Variants in CHST12 observed in about 807,000 individuals in gnomAD.
CHST12 encodes the protein carbohydrate (chondroitin 4) sulfotransferase 12.
In CHST12, 23 loss-of-function variants were observed where a neutral mutation model predicts 27.9. That is an observed-to-expected ratio of 0.82 (90% CI 0.59 to 1.17). The LOEUF is 1.17. Among genes scored for constraint, CHST12 ranks in the 50% most tolerant of loss-of-function variants. The pLI is 0.00. For missense variants in CHST12, 682 were observed against 603.0 expected (o/e 1.13, Z -1.37); for synonymous variants, 322 against 273.0 (o/e 1.18, Z -1.77).
rs1306092014 is a variant in CHST12 at position 2,436,103 on chromosome 7, C to G, written c.*2219C>G. 6.6e-6 allele frequency: 1 copy of G among 152,278 alleles called. No individual in the cohort carries two copies. Among genetic ancestry groups the G allele is most frequent in the South Asian group, 2.1e-4 (1 of 4,836 alleles). 9.4% of individuals were successfully genotyped at this position (152,278 alleles called of 1,614,324 possible). On this transcript the variant is annotated 3_prime_UTR_variant, in exon 2 of 2. Coordinates refer to ENST00000618655, the MANE Select transcript of CHST12 (RefSeq NM_018641.5). The stretch of plus-strand genomic sequence containing the variant: ...TGCTGGGATTACAGGCATGAGCCAT[C>G]ACACCTGGCCCCTCCAAGTTTTTTA...
At chr7:2,404,547 C>T (rs1781472227) in intron 1 of CHST12, among the ~76,000 whole-genome samples, 1 of 152,242 alleles carries the variant, frequency 6.6e-6, no homozygotes, top group African/African-American at 2.4e-5. Context: ...GTGCTGTTCC[C>T]GGCTGTGGGT....
chr7:2,410,028 T>C (rs938490254), intron 1 of CHST12, among the ~76,000 whole-genome samples: 7 of 152,158 alleles, frequency 4.6e-5, no homozygotes, highest in African/African-American at 1.7e-4. Context: ...TTGCAGCCTC[T>C]GTTTCCTGAG....
chr7:2,426,017 T>C (rs1426345524), intron 1 of CHST12, among the ~76,000 whole-genome samples: 1 of 151,874 alleles, frequency 6.6e-6, no homozygotes, highest in African/African-American at 2.4e-5. Flanking sequence ...ACGACGGGGC[T>C]CGCTAGATCA....
At chr7:2,418,487 C>G (rs1313570454) in intron 1 of CHST12, among the ~76,000 whole-genome samples, 1 of 152,218 alleles carries the variant, frequency 6.6e-6, no homozygotes, top group African/African-American at 2.4e-5. Flanking sequence ...ATCTGAGATG[C>G]CTCTGCGTGC....
intron 1 of CHST12, among the ~76,000 whole-genome samples, chr7:2,408,415 C>T (rs1583206339): frequency 6.8e-6 from 1 of 146,510 alleles, no homozygotes; most frequent in East Asian, 2.0e-4. Context: ...CTCTCCAGGA[C>T]ATACTGTTGT....
In CHST12 at chr7:2,442,253, A is replaced by T. The variant is rs892285793; in HGVS notation, c.*8369A>T. 5 of 152,250 alleles carry T rather than the reference A, an allele frequency of 3.3e-5. No homozygotes were observed. The highest frequency in any genetic ancestry group is 5.9e-5 in the Non-Finnish European group (4 of 68,070). The allele number at this position is 152,250 out of a possible 1,614,324, so 9.4% of individuals were successfully genotyped here. A position where few individuals can be genotyped will look rare whatever the true frequency, so the allele number is the denominator to read the frequency against. On this transcript the variant is annotated 3_prime_UTR_variant, in exon 2 of 2. Coordinates refer to ENST00000618655, the MANE Select transcript of CHST12 (RefSeq NM_018641.5). ...GGTTGAACGATATCCCGTTGTATGGACAGACCACATTTTATCCATTCACCC... is the reference window on the plus strand; with the variant it reads ...GGTTGAACGATATCCCGTTGTATGGTCAGACCACATTTTATCCATTCACCC...
intron 1 of CHST12, among the ~76,000 whole-genome samples, chr7:2,422,943 G>T (rs912523921): frequency 1.3e-5 from 2 of 151,692 alleles, no homozygotes; most frequent in Admixed American, 1.3e-4. Flanking sequence ...TCCTCGAGAG[G>T]GGTGGTCCTG....
At chr7:2,419,755 G>A (rs1657741640) in intron 1 of CHST12, among the ~76,000 whole-genome samples, 1 of 150,602 alleles carries the variant, frequency 6.6e-6, no homozygotes, top group Admixed American at 6.6e-5. Context: ...TAAGCATGCA[G>A]TTTGGTGGTG....
At chr7:2,403,530 C>T (rs1261614190), upstream of CHST12, 1 of 151,200 alleles carries the variant, frequency 6.6e-6, no homozygotes. Flanking sequence ...GCGGCCGCGA[C>T]GTCTCGCGAG....
At chr7:2,415,805 G>C in intron 1 of CHST12, among the ~76,000 whole-genome samples, 1 of 152,002 alleles carries the variant, frequency 6.6e-6, no homozygotes, top group Non-Finnish European at 1.5e-5. Context: ...TAGTAGAGAC[G>C]GGGTTTTACC....
At position 2,446,092 on chromosome 7, in the gene CHST12, GC is replaced by G. The variant is rs1425450963; in HGVS notation, c.*12213del. ...CGTTGTGGCATCTGTCCCTGGCCTTGCCCCCATCCGTCTCTGCACAGCCCAG... is the reference window on the plus strand; with the variant it reads ...CGTTGTGGCATCTGTCCCTGGCCTTGCCCCATCCGTCTCTGCACAGCCCAG... On this transcript the variant is annotated 3_prime_UTR_variant, in exon 2 of 2. Coordinates refer to ENST00000618655, the MANE Select transcript of CHST12 (RefSeq NM_018641.5). 6 of 152,480 alleles carry G rather than the reference GC, an allele frequency of 3.9e-5. No individual in the cohort carries two copies. The highest frequency in any genetic ancestry group is 1.4e-4 in the African/African-American group (6 of 41,450). 9.4% of individuals were successfully genotyped at this position (152,480 alleles called of 1,614,324 possible).
intron 1 of CHST12, among the ~76,000 whole-genome samples, chr7:2,415,869 C>G (rs1781794162): frequency 6.6e-6 from 1 of 152,204 alleles, no homozygotes; most frequent in Non-Finnish European, 1.5e-5. Flanking sequence ...GCACCTCAGC[C>G]TCCCAAAGTG....
intron 1 of CHST12, among the ~76,000 whole-genome samples, chr7:2,409,646 A>G (rs550772916): frequency 4.0e-5 from 6 of 151,560 alleles, no homozygotes; most frequent in African/African-American, 1.5e-4. Flanking sequence ...AAAAAGAATC[A>G]TGGAGAAGGG....
rs570350711 is a variant in CHST12 at position 2,441,321 on chromosome 7, C to T, written c.*7437C>T. 2.6e-5 allele frequency: 4 copies of T among 152,146 alleles called. No homozygotes were observed. The highest frequency in any genetic ancestry group is 2.1e-4 in the South Asian group (1 of 4,834). 9.4% of individuals were successfully genotyped at this position (152,146 alleles called of 1,614,324 possible). On this transcript the variant is annotated 3_prime_UTR_variant, in exon 2 of 2. Transcript: ENST00000618655. ...TGCCTTCCAGCCTAGGTCTCCTGCC[C>T]CTGGGCTGGAGTTCATCTTTTAGGC...
intron 1 of CHST12, among the ~76,000 whole-genome samples, chr7:2,425,630 G>T (rs1287962275): frequency 6.6e-6 from 1 of 151,806 alleles, no homozygotes; most frequent in Non-Finnish European, 1.5e-5. Context: ...CGCGGGACAG[G>T]TGCAGGGGGC....
At chr7:2,421,338 T>C (rs1018345899) in intron 1 of CHST12, among the ~76,000 whole-genome samples, 4 of 150,766 alleles carry the variant, frequency 2.7e-5, no homozygotes, top group African/African-American at 9.8e-5. Context: ...CTCAAACTCT[T>C]GGGCTCAAGC....
rs200895324 is a variant in CHST12, at chr7:2,432,892, A to G, written c.253A>G (p.Arg85Gly). Residue 85 changes from arginine (R) to glycine (G), a missense_variant, in exon 2 of 2, where the codon AGA becomes GGA. Transcript: ENST00000618655. ...TGGCGTGAAGCAGAGCGACCTTCCC[A>G]GAAAGGAGACGGAGCAGCCGCCTGC... ...SAGVKQSDLPRKETEQPPAPG... is the reference protein window; with the variant it reads ...SAGVKQSDLPGKETEQPPAPG... 209 of 1,613,464 alleles carry G rather than the reference A, an allele frequency of 1.3e-4. 1 individual carries two copies. The East Asian group carries it at 4.6e-3, about 35-fold the overall frequency.
intron 1 of CHST12, among the ~76,000 whole-genome samples, chr7:2,422,605 A>C (rs1163847810): frequency 6.8e-6 from 1 of 145,996 alleles, no homozygotes; most frequent in African/African-American, 2.6e-5. Context: ...GTGCGATCTC[A>C]GCTCACTGCA....
intron 1 of CHST12, among the ~76,000 whole-genome samples, chr7:2,405,682 C>T (rs955434690): frequency 6.6e-6 from 1 of 152,070 alleles, no homozygotes; most frequent in Non-Finnish European, 1.5e-5. Flanking sequence ...AAAGATGTTG[C>T]CAAATCCACT....
Sources: allele counts gnomAD v4.1 joint callset (sites outside exome capture counted in the v4.1 genomes callset), GRCh38; gene constraint gnomAD v4.1.1; transcripts MANE v1.5; gene names NCBI Gene and HGNC (gene_info 2026-07-23, HGNC 2026-07-21).